The following HS6ST1 variants were observed in gnomAD, a reference collection of about 807,000 sequenced individuals.
HS6ST1 encodes the protein heparan-sulfate 6-O-sulfotransferase 1.
Under a neutral mutation model 25.2 loss-of-function variants are expected in HS6ST1, and 3 were observed. The observed-to-expected ratio is 0.12, with a 90% CI of 0.05 to 0.31. The LOEUF is 0.31. Among genes scored for constraint, HS6ST1 ranks in the 10% least tolerant of loss-of-function variants. HS6ST1 has a pLI of 1.00. For missense variants in HS6ST1, 310 were observed against 609.6 expected, an observed-to-expected ratio of 0.51 and a Z score of 5.18; for synonymous variants, 204 against 275.1, an observed-to-expected ratio of 0.74 and a Z score of 2.56.
intron 1 of HS6ST1, among the ~76,000 whole-genome samples, chr2:128,291,216 T>C (rs1693946728): frequency 6.6e-6 from 1 of 152,240 alleles, no homozygotes; most frequent in Non-Finnish European, 1.5e-5. Context: ...TTCTTGTCTT[T>C]AGTGAGTACC....
chr2:128,287,360 T>G (rs1249277655), intron 1 of HS6ST1, among the ~76,000 whole-genome samples: 1 of 152,190 alleles, frequency 6.6e-6, no homozygotes, highest in Non-Finnish European at 1.5e-5. Context: ...CAGGGACAGC[T>G]GCCCCCCCTA....
chr2:128,296,010 G>A (rs1200963802), intron 1 of HS6ST1, among the ~76,000 whole-genome samples: 1 of 152,208 alleles, frequency 6.6e-6, no homozygotes, highest in Non-Finnish European at 1.5e-5. Context: ...ATAATGAATG[G>A]GACCAGTGGC....
chr2:128,294,216 G>A (rs1694002213), intron 1 of HS6ST1, among the ~76,000 whole-genome samples: 1 of 152,214 alleles, frequency 6.6e-6, no homozygotes, highest in Non-Finnish European at 1.5e-5. Context: ...TACACGCCCT[G>A]TGCCCGGCCC....
intron 1 of HS6ST1, among the ~76,000 whole-genome samples, chr2:128,312,769 A>G (rs891852929): frequency 6.6e-6 from 1 of 152,204 alleles, no homozygotes; most frequent in African/African-American, 2.4e-5. Context: ...TTAAAAAAAA[A>G]TTCACAATAG....
rs1693538581 is a variant in HS6ST1, at chr2:128,267,572, CTCGAGTCT to C, written c.*582_*589del. 1 of 157,298 alleles carries C rather than the reference CTCGAGTCT, an allele frequency of 6.4e-6. No homozygotes were observed. The highest frequency in any genetic ancestry group is 1.9e-4 in the South Asian group (1 of 5,184). The allele number at this position is 157,298 out of a possible 1,614,324, so 9.7% of individuals were successfully genotyped here. A position where few individuals can be genotyped will look rare whatever the true frequency, so the allele number is the denominator to read the frequency against. On this transcript the variant is annotated 3_prime_UTR_variant, in exon 2 of 2. Transcript: ENST00000259241. ...GGGAGCAGGCTTCCTGGGGGCTGGA[CTCGAGTCT>C]TCTCTGCCTCAGATGGGGTGGGCCC...
rs142812008 is a variant in HS6ST1, at chr2:128,272,110, C to T, written c.528-3240G>A. On this transcript the variant is annotated intron_variant, in intron 1 of 1. Coordinates refer to ENST00000259241, the MANE Select transcript of HS6ST1 (RefSeq NM_004807.3). ...TCTCTAAGTCCCTTCTCCCTGGCAGCGACGTTTCTGAATGACAGCCTCCTC... is the reference window on the plus strand; with the variant it reads ...TCTCTAAGTCCCTTCTCCCTGGCAGTGACGTTTCTGAATGACAGCCTCCTC... Among the ~76,000 whole-genome samples the T allele has an allele frequency of 1.2e-4, 19 of 152,352 alleles. No homozygotes were observed. In the East Asian group the frequency reaches 2.5e-3, roughly 20 times the overall value.
intron 1 of HS6ST1, among the ~76,000 whole-genome samples, chr2:128,303,495 A>T (rs189094078): frequency 6.6e-6 from 1 of 152,214 alleles, no homozygotes; most frequent in African/African-American, 2.4e-5. Flanking sequence ...CAGATCTAGC[A>T]CCCAATCATG....
At chr2:128,305,121 T>C (rs1021568146) in intron 1 of HS6ST1, among the ~76,000 whole-genome samples, 4 of 152,210 alleles carry the variant, frequency 2.6e-5, no homozygotes, top group Non-Finnish European at 4.4e-5. Context: ...GGGTCCCCAT[T>C]TGACCCACTT....
intron 1 of HS6ST1, among the ~76,000 whole-genome samples, chr2:128,295,296 C>A (rs1694026251): frequency 6.6e-6 from 1 of 152,208 alleles, no homozygotes; most frequent in Non-Finnish European, 1.5e-5. Flanking sequence ...CAGGGGGTAC[C>A]ACTCCTCTCC....
intron 1 of HS6ST1, among the ~76,000 whole-genome samples, chr2:128,277,743 G>C (rs933163352): frequency 6.6e-5 from 10 of 152,360 alleles, no homozygotes; most frequent in Non-Finnish European, 1.5e-5. Flanking sequence ...ATGGCCTTGA[G>C]TGTGAAACTC....
intron 1 of HS6ST1, among the ~76,000 whole-genome samples, chr2:128,310,780 C>T (rs1694278646): frequency 6.6e-6 from 1 of 152,142 alleles, no homozygotes; most frequent in Non-Finnish European, 1.5e-5. Context: ...CCCTTGCAAG[C>T]TGGGGACTTG....
chr2:128,306,939 G>A (rs1014711501), intron 1 of HS6ST1, among the ~76,000 whole-genome samples: 9 of 152,050 alleles, frequency 5.9e-5, no homozygotes, highest in Non-Finnish European at 1.2e-4. Context: ...GGCACAGGGC[G>A]TGGACATTCA....
At chr2:128,311,326 G>A (rs1023741050) in intron 1 of HS6ST1, among the ~76,000 whole-genome samples, 4 of 152,196 alleles carry the variant, frequency 2.6e-5, no homozygotes, top group Admixed American at 6.5e-5. Flanking sequence ...GTGCCAGTGA[G>A]TGTCCAGGTG....
intron 1 of HS6ST1, among the ~76,000 whole-genome samples, chr2:128,269,700 T>C (rs1693582376): frequency 6.6e-6 from 1 of 152,142 alleles, no homozygotes; most frequent in South Asian, 2.1e-4. Flanking sequence ...TCCTCCTGGC[T>C]CCTGTCCACG....
intron 1 of HS6ST1, among the ~76,000 whole-genome samples, chr2:128,307,041 C>T (rs1694223626): frequency 6.6e-6 from 1 of 152,082 alleles, no homozygotes; most frequent in Non-Finnish European, 1.5e-5. Context: ...GTGGGGGGGT[C>T]CCTGTGACTT....
At chr2:128,268,920 G>A (rs372499209) in intron 1 of HS6ST1, 50 bp from the exon 2 acceptor site, 77 of 1,475,336 alleles carry the variant, frequency 5.2e-5, no homozygotes, top group East Asian at 9.1e-5. Context: ...AGCATGAGGG[G>A]GGCTACCAGG....
chr2:128,279,762 C>T (rs969409790), intron 1 of HS6ST1, among the ~76,000 whole-genome samples: 1 of 152,220 alleles, frequency 6.6e-6, no homozygotes, highest in African/African-American at 2.4e-5. Flanking sequence ...TGCGACTGCA[C>T]TCCAACCTGG....
At chr2:128,286,774 G>A (rs1693870614) in intron 1 of HS6ST1, among the ~76,000 whole-genome samples, 1 of 152,240 alleles carries the variant, frequency 6.6e-6, no homozygotes, top group Admixed American at 6.5e-5. Context: ...ATCTTTGCTG[G>A]CTTTACAAAC....
intron 1 of HS6ST1, among the ~76,000 whole-genome samples, chr2:128,275,320 G>A (rs973476408): frequency 2.6e-5 from 4 of 152,172 alleles, no homozygotes; most frequent in Admixed American, 2.6e-4. Flanking sequence ...CAGACTGTGT[G>A]AGGGTGTAAG....
Sources: gnomAD v4.1 joint callset for allele counts (sites outside exome capture counted in the v4.1 genomes callset) on GRCh38, gnomAD v4.1.1 for gene constraint, MANE v1.5 for transcripts, NCBI Gene and HGNC (gene_info 2026-07-23, HGNC 2026-07-21) for gene names.